USP9X: variants seen among roughly 807,000 people sequenced by gnomAD.
USP9X encodes the protein ubiquitin carboxyl-terminal hydrolase 9X.
Under a neutral mutation model 190.3 loss-of-function variants are expected in USP9X, and 7 were observed. That is an observed-to-expected ratio of 0.04 (90% CI 0.02 to 0.07). The LOEUF is 0.07. Among genes scored for constraint, USP9X ranks in the 10% least tolerant of loss-of-function variants. The probability of loss-of-function intolerance (pLI) is 1.00; values close to 1 mark genes in which losing one functional copy is unlikely to be tolerated. For missense variants in USP9X, 1,010 were observed against 1,916.9 expected, an observed-to-expected ratio of 0.53 and a Z score of 8.83; for synonymous variants, 645 against 659.5, an observed-to-expected ratio of 0.98 and a Z score of 0.34.
At chrX:41,098,561 C>T (rs2146928929) in intron 1 of USP9X, among the ~76,000 whole-genome samples, 1 of 107,138 alleles carries the variant, frequency 9.3e-6, no homozygotes, top group African/African-American at 3.4e-5. Flanking sequence ...CTGTCTTTTT[C>T]TTTATTGTTT....
intron 29 of USP9X, 91 bp from the exon 30 acceptor site, chrX:41,198,437 G>C (rs1602024629): frequency 1.8e-6 from 1 of 540,954 alleles, no homozygotes; most frequent in East Asian, 6.1e-5. Flanking sequence ...ATTCCAATGA[G>C]TAATTTTAAA....
chrX:41,093,012 AC>A (rs768818248), intron 1 of USP9X, among the ~76,000 whole-genome samples: 65 of 111,308 alleles, frequency 5.8e-4, no homozygotes, highest in Non-Finnish European at 1.0e-3. Context: ...AAGTAGGACC[AC>A]AGGCCGACAT....
At chrX:41,105,537 A>G (rs1354801095) in intron 1 of USP9X, among the ~76,000 whole-genome samples, 5 of 112,153 alleles carry the variant, frequency 4.5e-5, no homozygotes, top group Non-Finnish European at 7.5e-5. Context: ...TTTTATTGAC[A>G]CATTCATCTG....
At chrX:41,171,984 G>GT (rs1299627891) in intron 21 of USP9X, 26 bp downstream of exon 21, 1 of 1,206,388 alleles carries the variant, frequency 8.3e-7, no homozygotes, top group Non-Finnish European at 1.1e-6. Context: ...TGATGATCAA[G>GT]TACTTGCTGG....
rs908457947 is a variant in USP9X at position 41,132,971 on chromosome X, A to C, written c.322+1435A>C. 4.5e-5 allele frequency among the ~76,000 whole-genome samples: 5 copies of C among 111,775 alleles called. No individual in the cohort carries two copies. In the East Asian group the frequency reaches 1.4e-3, roughly 31 times the overall value. On this transcript the variant is annotated intron_variant, in intron 4 of 44. Transcript: ENST00000378308. Reference sequence around the variant, plus strand: ...TATCTAACAGAGGACTACCATTGTAATAACTTTCAATTCATTTTTTAAGAT... The same window carrying C: ...TATCTAACAGAGGACTACCATTGTACTAACTTTCAATTCATTTTTTAAGAT...
At chrX:41,183,929 A>G (rs996587936) in intron 21 of USP9X, 69 bp from the exon 22 acceptor site, 3 of 1,119,770 alleles carry the variant, frequency 2.7e-6, no homozygotes, top group African/African-American at 3.7e-5. Flanking sequence ...ATGGTCTTCA[A>G]GATATCAAAA....
At chrX:41,117,579 CTT>C (rs746348929) in intron 1 of USP9X, among the ~76,000 whole-genome samples, 3 of 76,032 alleles carry the variant, frequency 3.9e-5, no homozygotes, top group Non-Finnish European at 2.5e-5. Flanking sequence ...TTTTCTTCTT[CTT>C]TTTTTTTTTT....
intron 2 of USP9X, among the ~76,000 whole-genome samples, chrX:41,128,599 C>G (rs1461062965): frequency 8.9e-6 from 1 of 111,862 alleles, no homozygotes; most frequent in African/African-American, 3.3e-5. Context: ...AGACCTCTTA[C>G]CACTTGGATA....
chrX:41,216,840 C>A lies in USP9X; in HGVS notation c.6085+188C>A, dbSNP rs768236168. 5.4e-5 allele frequency among the ~76,000 whole-genome samples: 6 copies of A among 110,981 alleles called. No homozygotes were observed. In the South Asian group the frequency reaches 2.3e-3, roughly 43 times the overall value. On this transcript the variant is annotated intron_variant, in intron 35 of 44. Transcript: ENST00000378308. ...GGTGGATCACCTGAGGTCAAGAGTT[C>A]AATACCAGCCTGACCAACATGGTGA...
At chrX:41,227,701 C>T (rs2063325615) in intron 41 of USP9X, among the ~76,000 whole-genome samples, 1 of 110,011 alleles carries the variant, frequency 9.1e-6, no homozygotes, top group Admixed American at 9.7e-5. Flanking sequence ...TATCTGATTC[C>T]AGAACTTTTT....
chrX:41,195,117 A>G (rs1187785272), intron 26 of USP9X, among the ~76,000 whole-genome samples: 1 of 107,773 alleles, frequency 9.3e-6, no homozygotes, highest in Non-Finnish European at 1.9e-5. Flanking sequence ...GCTCACTGCA[A>G]CCTCCGCCTT....
chrX:41,174,924 C>T (rs1228920127), intron 21 of USP9X, among the ~76,000 whole-genome samples: 2 of 110,823 alleles, frequency 1.8e-5, no homozygotes, highest in Non-Finnish European at 3.8e-5. Context: ...GCGGAGGTTG[C>T]GTTGAGCCGA....
intron 11 of USP9X, among the ~76,000 whole-genome samples, chrX:41,146,664 C>CTTTTTTTTT: frequency 2.0e-5 from 1 of 50,370 alleles, no homozygotes; most frequent in Non-Finnish European, 3.5e-5. Flanking sequence ...AGCTATTTGC[C>CTTTTTTTTT]TTTTTTTTTT....
intron 1 of USP9X, among the ~76,000 whole-genome samples, chrX:41,120,692 G>A (rs909320641): frequency 9.1e-6 from 1 of 110,317 alleles, no homozygotes; most frequent in Non-Finnish European, 1.9e-5. Context: ...TAGAGACGGG[G>A]TTTCGCCATG....
intron 2 of USP9X, among the ~76,000 whole-genome samples, chrX:41,125,497 C>T (rs1259740240): frequency 9.3e-6 from 1 of 107,577 alleles, no homozygotes; most frequent in Non-Finnish European, 1.9e-5. Context: ...AAGTTGTTAA[C>T]GACCCTTTTT....
At chrX:41,185,862 G>A (rs763455112) in intron 23 of USP9X, among the ~76,000 whole-genome samples, 24 of 110,667 alleles carry the variant, frequency 2.2e-4, no homozygotes, top group South Asian at 7.6e-4. Flanking sequence ...TAATCTCAAC[G>A]AGCTCACAGT....
intron 24 of USP9X, 104 bp downstream of exon 24, chrX:41,186,746 TCTA>T (rs1644892615): frequency 1.1e-6 from 1 of 916,416 alleles, no homozygotes; most frequent in Admixed American, 2.7e-5. Flanking sequence ...ATCAGTTTTG[TCTA>T]CTATTAATAT....
In USP9X at chrX:41,236,577, C is replaced by T. The variant is rs1275154323; in HGVS notation, c.*4053C>T. On this transcript the variant is annotated 3_prime_UTR_variant, in exon 45 of 45. Coordinates refer to ENST00000378308, the MANE Select transcript of USP9X (RefSeq NM_001039591.3). ...ATACAAAAATAAAACTTTATAAATTCAATTTCGGTTTTCCCTTTATTTATT... is the reference window on the plus strand; with the variant it reads ...ATACAAAAATAAAACTTTATAAATTTAATTTCGGTTTTCCCTTTATTTATT... 1.8e-5 allele frequency: 2 copies of T among 112,335 alleles called. No individual in the cohort carries two copies. Among genetic ancestry groups the T allele is most frequent in the Non-Finnish European group, 3.8e-5 (2 of 53,178 alleles). 9.3% of individuals were successfully genotyped at this position (112,335 alleles called of 1,213,427 possible).
chrX:41,133,535 C>A (rs1332559783), intron 4 of USP9X, among the ~76,000 whole-genome samples: 2 of 111,644 alleles, frequency 1.8e-5, no homozygotes, highest in African/African-American at 6.5e-5. Flanking sequence ...TTAAAATGTA[C>A]AATTAAATTA....
Sources: gnomAD v4.1 joint callset for allele counts (sites outside exome capture counted in the v4.1 genomes callset) on GRCh38, gnomAD v4.1.1 for gene constraint, MANE v1.5 for transcripts, NCBI Gene and HGNC (gene_info 2026-07-23, HGNC 2026-07-21) for gene names.